Variants in ATM observed in about 807,000 individuals in gnomAD.
ATM encodes ATM serine/threonine kinase.
In ATM, 308 loss-of-function variants were observed where a neutral mutation model predicts 387.0. The ratio of observed to expected loss-of-function variants is 0.80; its 90% CI spans 0.73 to 0.87. The LOEUF (loss-of-function observed/expected upper bound fraction) is 0.87. Among genes scored for constraint, ATM ranks in the 40% least tolerant of loss-of-function variants. The probability of loss-of-function intolerance (pLI) is 0.00; values close to 1 mark genes in which losing one functional copy is unlikely to be tolerated. For missense variants in ATM, 3,312 were observed against 3,560.9 expected, an observed-to-expected ratio of 0.93 and a Z score of 1.78; for synonymous variants, 1,156 against 1,187.3, an observed-to-expected ratio of 0.97 and a Z score of 0.54.
At chr11:108,228,013 C>A in intron 3 of ATM, 125 bp downstream of exon 3, 1 of 778,232 alleles carries the variant, frequency 1.3e-6, no homozygotes, top group Non-Finnish European at 2.0e-6. Flanking sequence ...TTATGCCTTG[C>A]ATATGAATTT....
At chr11:108,236,238 G>A in intron 5 of ATM, 2 of 247,966 alleles carry the variant, frequency 8.1e-6, no homozygotes, top group Non-Finnish European at 8.0e-6. Context: ...ACCAAGAGAG[G>A]GAAGTACCAT....
At chr11:108,271,451 G>T (rs2135556014) in intron 20 of ATM, 45 bp downstream of exon 20, 1 of 1,610,554 alleles carries the variant, frequency 6.2e-7, no homozygotes. Flanking sequence ...TTTGCTATCT[G>T]TGGATACGAA....
chr11:108,305,067 A>G (rs1055996645), intron 37 of ATM, among the ~76,000 whole-genome samples: 1 of 152,228 alleles, frequency 6.6e-6, no homozygotes, highest in African/African-American at 2.4e-5. Flanking sequence ...TACTTGATGT[A>G]TAGTATTCCC....
At chr11:108,251,125 C>G (rs908448294) in intron 10 of ATM, 53 bp downstream of exon 10, 8 of 1,608,092 alleles carry the variant, frequency 5.0e-6, no homozygotes, top group Non-Finnish European at 5.1e-6. Context: ...CACAGACACA[C>G]ACACACTCAC....
intron 6 of ATM, 62 bp from the exon 7 acceptor site, chr11:108,244,726 G>C: frequency 7.8e-7 from 1 of 1,274,980 alleles, no homozygotes. Flanking sequence ...CTTCATAACT[G>C]TTCAGTTTGT....
intron 16 of ATM, among the ~76,000 whole-genome samples, chr11:108,262,390 A>G (rs1412590814): frequency 6.6e-6 from 1 of 152,252 alleles, no homozygotes; most frequent in Non-Finnish European, 1.5e-5. Flanking sequence ...ACTAAGCTTC[A>G]TAAGTGAAGG....
At position 108,317,400 on chromosome 11, in the gene ATM, AT is replaced by A. The variant is rs786203008; in HGVS notation, c.6228del (p.Leu2077PhefsTer5). The A allele has an allele frequency of 2.5e-6, 4 of 1,612,334 alleles. No homozygotes were observed. Among genetic ancestry groups the A allele is most frequent in the Non-Finnish European group, 8.5e-7 (1 of 1,179,094 alleles). ...CTTGCAGAATTTGGGACTCTGCCATATTCTTTCCGTCTATTTAAAAGGATTG... is the reference window on the plus strand; with the variant it reads ...CTTGCAGAATTTGGGACTCTGCCATATCTTTCCGTCTATTTAAAAGGATTG... ...QALQNLGLCH[I>X]LSVYLKGLDY... On this transcript the variant is annotated frameshift_variant, in exon 43 of 63. Coordinates refer to ENST00000675843, the MANE Select transcript of ATM (RefSeq NM_000051.4). LOFTEE classifies it high-confidence loss of function.
At chr11:108,224,517 C>T (rs1274186941) in intron 1 of ATM, 1 of 152,172 alleles carries the variant, frequency 6.6e-6, no homozygotes, top group African/African-American at 2.4e-5. Flanking sequence ...TATATGGTGA[C>T]ACTCATACTC....
chr11:108,353,881 G>T lies in ATM; in HGVS notation c.8786+1G>T, dbSNP rs17174393. On this transcript the variant is annotated splice_donor_variant, in intron 60 of 62. Transcript: ENST00000675843. LOFTEE classifies it high-confidence loss of function. Reference sequence around the variant, plus strand: ...CGGGTGTTGAAGGTGTCTTCAGAAGGTAAGTGATATGAAGTAAAGGAGGGA... The same window carrying T: ...CGGGTGTTGAAGGTGTCTTCAGAAGTTAAGTGATATGAAGTAAAGGAGGGA... 2.5e-6 allele frequency: 4 copies of T among 1,608,514 alleles called. No individual in the cohort carries two copies. The highest frequency in any genetic ancestry group is 3.4e-6 in the Non-Finnish European group (4 of 1,175,114).
At chr11:108,300,227 G>T (rs1005285226) in intron 34 of ATM, among the ~76,000 whole-genome samples, 1 of 152,138 alleles carries the variant, frequency 6.6e-6, no homozygotes, top group Non-Finnish European at 1.5e-5. Context: ...AGTATCAGAG[G>T]TGCCACTCTC....
chr11:108,301,791 T>C lies in ATM; in HGVS notation c.5319+2T>C, dbSNP rs1555105842. On this transcript the variant is annotated splice_donor_variant, in intron 35 of 62. Transcript: ENST00000675843. LOFTEE classifies it high-confidence loss of function. ...CCTTTTAGAACATCAAGAAAAAAGG[T>C]CTCTTAAGTAATAAATGTTTATTGA... The C allele has an allele frequency of 1.9e-6, 3 of 1,613,248 alleles. No individual in the cohort carries two copies. Among genetic ancestry groups the C allele is most frequent in the Non-Finnish European group, 2.5e-6 (3 of 1,179,502 alleles).
rs587781787 is a variant in ATM, at chr11:108,284,311, G to A, written c.3831G>A (p.Glu1277=). The A allele has an allele frequency of 6.2e-7, 1 of 1,613,844 alleles. No individual in the cohort carries two copies. The change falls in exon 26 of 63, where the codon GAG becomes GAA. Residue 1277 remains glutamate (E), a synonymous_variant. Coordinates refer to ENST00000675843, the MANE Select transcript of ATM (RefSeq NM_000051.4). ...AGTCCATTGCTAATCAGATTCAAGA[G>A]GACTGGAAAAGTCTTCTAACAGACT... is the stretch of plus-strand genomic sequence containing the variant. The part of the protein sequence containing the change: ...EVKSIANQIQ[E]DWKSLLTDCF...
At chr11:108,233,544 G>A (rs1248647852) in intron 4 of ATM, among the ~76,000 whole-genome samples, 3 of 149,800 alleles carry the variant, frequency 2.0e-5, no homozygotes, top group Non-Finnish European at 3.0e-5. Flanking sequence ...ACTCCAGTCT[G>A]GGTGACAGAG....
In ATM at chr11:108,330,214, A is replaced by C. The variant is rs730881317; in HGVS notation, c.7308A>C (p.Arg2436Ser). 7 of 1,613,718 alleles carry C rather than the reference A, an allele frequency of 4.3e-6. No individual in the cohort carries two copies. Among genetic ancestry groups the C allele is most frequent in the Non-Finnish European group, 5.9e-6 (7 of 1,179,674 alleles). Residue 2436 changes from arginine to serine, a missense_variant and splice_region_variant, in exon 50 of 63, where the codon AGA becomes AGC. Transcript: ENST00000675843. ...TTTTACCTTAATTATTCTATGCAAGATACACAGTAAAGGTTCAGCGAGAGC... is the reference window on the plus strand; with the variant it reads ...TTTTACCTTAATTATTCTATGCAAGCTACACAGTAAAGGTTCAGCGAGAGC... ...LLREHKIQTNRYTVKVQRELE... is the reference protein window; with the variant it reads ...LLREHKIQTNSYTVKVQRELE...
chr11:108,333,032 G>A, intron 53 of ATM, 132 bp downstream of exon 53: 3 of 1,176,696 alleles, frequency 2.5e-6, no homozygotes, highest in Non-Finnish European at 3.6e-6. Flanking sequence ...ATTTATATCT[G>A]ATGGCTTCAG....
chr11:108,237,134 A>G (rs932052617), intron 5 of ATM, among the ~76,000 whole-genome samples: 1 of 152,176 alleles, frequency 6.6e-6, no homozygotes, highest in Non-Finnish European at 1.5e-5. Context: ...ATTACACTCT[A>G]CTGTTCCCCT....
intron 33 of ATM, 84 bp from the exon 34 acceptor site, chr11:108,299,630 A>G: frequency 1.5e-6 from 2 of 1,357,422 alleles, no homozygotes; most frequent in Non-Finnish European, 2.1e-6. Context: ...GAAAAACAGC[A>G]TTATAGTTTT....
At chr11:108,334,050 A>G (rs2086573693) in intron 54 of ATM, 82 bp downstream of exon 54, 1 of 1,136,266 alleles carries the variant, frequency 8.8e-7, no homozygotes. Flanking sequence ...ATTTTTATGT[A>G]GGTCAAAATT....
At chr11:108,239,033 A>G (rs1260901396) in intron 5 of ATM, among the ~76,000 whole-genome samples, 1 of 151,856 alleles carries the variant, frequency 6.6e-6, no homozygotes, top group Non-Finnish European at 1.5e-5. Flanking sequence ...GGGGTACTTC[A>G]TTTTTATGGA....
Sources: allele counts gnomAD v4.1 joint callset (sites outside exome capture counted in the v4.1 genomes callset), GRCh38; gene constraint gnomAD v4.1.1; transcripts MANE v1.5; gene names NCBI Gene and HGNC (gene_info 2026-07-23, HGNC 2026-07-21).